The following VWF variants were observed in gnomAD, a reference collection of about 807,000 sequenced individuals.
The protein encoded by VWF is Factor VIII related antigen.
A neutral mutation model predicts 308.6 loss-of-function variants in VWF; 176 were observed. The observed-to-expected ratio is 0.57, with a 90% CI of 0.50 to 0.65. The LOEUF (loss-of-function observed/expected upper bound fraction) is 0.65. VWF is among the 30% of genes least tolerant of loss of function. The pLI, the probability that VWF is intolerant of heterozygous loss-of-function variation, is 0.00. For synonymous variants in VWF, 1,385 were observed against 1,443.4 expected (o/e 0.96, Z 0.92); for missense variants, 3,146 against 3,648.2 (o/e 0.86, Z 3.55).
chr12:6,033,954 G>C (rs1944302567), intron 20 of VWF, among the ~76,000 whole-genome samples: 1 of 152,220 alleles, frequency 6.6e-6, no homozygotes, highest in Non-Finnish European at 1.5e-5. Flanking sequence ...GGTGAGAAAA[G>C]CACTCATACT....
At chr12:5,977,211 C>T (rs192017339) in intron 42 of VWF, among the ~76,000 whole-genome samples, 2 of 152,282 alleles carry the variant, frequency 1.3e-5, no homozygotes, top group African/African-American at 4.8e-5. Flanking sequence ...TATAATTTGA[C>T]CCAGAATCTC....
At chr12:6,015,820 C>A (rs954951455) in intron 31 of VWF, among the ~76,000 whole-genome samples, 2 of 152,198 alleles carry the variant, frequency 1.3e-5, no homozygotes, top group Non-Finnish European at 2.9e-5. Context: ...GAGGTATGAT[C>A]ACTCCTGGAC....
Position 6,075,257 on chromosome 12 carries a change from C to T in VWF, c.874+78G>A, listed in dbSNP as rs146883776. The stretch of plus-strand genomic sequence containing the variant: ...AAGCCGCACATACGTGACACAGCCC[C>T]GAAGCACCCTAAGGGACACCACCCA... On this transcript the variant is annotated intron_variant, in intron 7 of 51. Coordinates refer to ENST00000261405, the MANE Select transcript of VWF (RefSeq NM_000552.5). The surrounding 1 kb of genome is among the most constrained non-coding windows in gnomAD (Gnocchi z 4.7). The T allele has an allele frequency of 1.2e-3, 1,845 of 1,577,476 alleles. 23 individuals are homozygous for T. In the African/African-American group the frequency reaches 0.021, roughly 18 times the overall value.
Position 6,036,397 on chromosome 12 carries a change from C to A in VWF, c.2537G>T (p.Cys846Phe). The part of the protein sequence containing the change: ...YAPGETVKIG[C>F]NTCVCQDRKW... ...CCTCACTGAGCCTCACCAAGTGTTG[C>A]AGCCAATCTTCACTGTTTCTCCAGG... The change falls in exon 19 of 52, where the codon TGC becomes TTC. Residue 846 changes from cysteine (C) to phenylalanine (F), a missense_variant. Cys to Phe is a radical substitution (Grantham distance 205). This residue lies in a region of VWF where 1,304 missense variants were observed against 1,353.0 expected (regional missense o/e 0.96). Transcript: ENST00000261405. The A allele has an allele frequency of 6.2e-7, 1 of 1,614,192 alleles. No homozygotes were observed. The highest frequency in any genetic ancestry group is 8.5e-7 in the Non-Finnish European group (1 of 1,180,004).
chr12:6,096,914 G>C (rs1945110774), intron 5 of VWF, among the ~76,000 whole-genome samples: 1 of 152,156 alleles, frequency 6.6e-6, no homozygotes, highest in African/African-American at 2.4e-5. Flanking sequence ...ACTGTCCCCA[G>C]GGAAGGAAAA....
intron 47 of VWF, among the ~76,000 whole-genome samples, chr12:5,964,468 T>C (rs1430023169): frequency 1.3e-5 from 2 of 152,228 alleles, no homozygotes; most frequent in African/African-American, 4.8e-5. Flanking sequence ...AGAATCAATT[T>C]AGCTTTGTGA....
chr12:5,951,800 G>A (rs774364129), intron 50 of VWF, 44 bp downstream of exon 50: 5 of 1,610,902 alleles, frequency 3.1e-6, no homozygotes, highest in Non-Finnish European at 3.4e-6. Context: ...CCCTGGACTT[G>A]CTCTGATGGG....
intron 47 of VWF, among the ~76,000 whole-genome samples, chr12:5,966,274 A>G (rs747344685): frequency 3.6e-4 from 28 of 77,192 alleles, no homozygotes; most frequent in African/African-American, 7.4e-4. Context: ...GTTGTTACAC[A>G]ATACACACAC....
chr12:6,030,448 A>C (rs1266336479), intron 21 of VWF, among the ~76,000 whole-genome samples: 2 of 152,182 alleles, frequency 1.3e-5, no homozygotes, highest in Non-Finnish European at 1.5e-5. Flanking sequence ...GGCTGAGGCC[A>C]TGGGAGAAAA....
At chr12:6,031,715 CCT>C in intron 20 of VWF, 137 bp from the exon 21 acceptor site, 2 of 1,375,858 alleles carry the variant, frequency 1.5e-6, no homozygotes, top group African/African-American at 2.9e-5. Context: ...CGCATATGTG[CCT>C]CTGTGTGTGT....
At chr12:5,955,118 T>C (rs937763215) in intron 47 of VWF, among the ~76,000 whole-genome samples, 1 of 152,122 alleles carries the variant, frequency 6.6e-6, no homozygotes, top group Admixed American at 6.5e-5. Context: ...AAAAAAAAAT[T>C]TCATGCAAAG....
chr12:5,976,721 A>G (rs1368156249), intron 42 of VWF, among the ~76,000 whole-genome samples: 3 of 152,142 alleles, frequency 2.0e-5, no homozygotes, highest in Non-Finnish European at 4.4e-5. Flanking sequence ...CCCACGAGTG[A>G]CTAGGAACAT....
At position 6,058,024 on chromosome 12, in the gene VWF, C is replaced by A. The variant is rs1944609558; in HGVS notation, c.1554G>T (p.Gly518=). The A allele has an allele frequency of 6.2e-7, 1 of 1,613,108 alleles. No homozygotes were observed. The highest frequency in any genetic ancestry group is 1.3e-5 in the African/African-American group (1 of 74,948). Residue 518 remains glycine, a synonymous_variant, in exon 14 of 52, where the codon GGG becomes GGT. Transcript: ENST00000261405. This position sits in a 1 kb window ranked among gnomAD's most constrained non-coding sequence, Gnocchi z 4.9. ...AATTCCCACACAGGCCGCAGGTCTTCCCGGCATAGACGGGGGACAGCTGCA... is the reference window on the plus strand; with the variant it reads ...AATTCCCACACAGGCCGCAGGTCTTACCGGCATAGACGGGGGACAGCTGCA... The part of the protein sequence containing the change: ...LLVKLSPVYA[G]KTCGLCGNYN...
Position 5,969,489 on chromosome 12 carries a change from C to A in VWF, c.7549-98G>T, listed in dbSNP as rs1345879425. ...TTCTCTCAGGAAGGTGGTTTCTAGA[C>A]GTGAAGCCTGGCTTAACATGTAAGT... On this transcript the variant is annotated intron_variant, in intron 44 of 51. Coordinates refer to ENST00000261405, the MANE Select transcript of VWF (RefSeq NM_000552.5). 3 of 1,459,722 alleles carry A rather than the reference C, an allele frequency of 2.1e-6. No individual in the cohort carries two copies. In the Admixed American group the frequency reaches 5.6e-5, roughly 27 times the overall value. The allele number at this position is 1,459,722 out of a possible 1,614,324, so 90.4% of individuals were successfully genotyped here.
intron 47 of VWF, among the ~76,000 whole-genome samples, chr12:5,961,124 G>A (rs1255536647): frequency 4.6e-5 from 7 of 152,078 alleles, no homozygotes; most frequent in African/African-American, 9.7e-5. Context: ...GTCTCCCATC[G>A]CCCCTAGATG....
chr12:6,110,586 G>C lies in VWF; in HGVS notation c.324-4C>G. 4 of 1,614,082 alleles carry C rather than the reference G, an allele frequency of 2.5e-6. No homozygotes were observed. The highest frequency in any genetic ancestry group is 3.4e-6 in the Non-Finnish European group (4 of 1,179,984). ...GGAGGCATAGGGCATGGAGACTCTGGAGGGCAAAGGCTAAGTTCAGAAGTG... is the reference window on the plus strand; with the variant it reads ...GGAGGCATAGGGCATGGAGACTCTGCAGGGCAAAGGCTAAGTTCAGAAGTG... On this transcript the variant is annotated splice_region_variant and splice_polypyrimidine_tract_variant and intron_variant, in intron 4 of 51. Coordinates refer to ENST00000261405, the MANE Select transcript of VWF (RefSeq NM_000552.5).
chr12:6,059,903 C>T (rs1455851201), intron 13 of VWF, among the ~76,000 whole-genome samples: 2 of 152,236 alleles, frequency 1.3e-5, no homozygotes, highest in Non-Finnish European at 2.9e-5. Flanking sequence ...CTGGGCAAGG[C>T]GGCATAACTG....
chr12:6,041,727 G>A (rs1565840795), intron 18 of VWF, among the ~76,000 whole-genome samples: 3 of 152,296 alleles, frequency 2.0e-5, no homozygotes, highest in Non-Finnish European at 2.9e-5. Flanking sequence ...GATTACAGGC[G>A]TGAGCCACTG....
At chr12:5,970,646 T>C (rs567460138) in intron 44 of VWF, among the ~76,000 whole-genome samples, 17 of 152,230 alleles carry the variant, frequency 1.1e-4, no homozygotes, top group Non-Finnish European at 1.5e-4. Context: ...GAAACTCACC[T>C]GAAAAAGCCC....
Sources: allele counts gnomAD v4.1 joint callset (sites outside exome capture counted in the v4.1 genomes callset), GRCh38; gene constraint gnomAD v4.1.1; regional missense constraint gnomAD v4.1.1; non-coding constraint Gnocchi (gnomAD v3.1); transcripts MANE v1.5; gene names NCBI Gene and HGNC (gene_info 2026-07-23, HGNC 2026-07-21).